Variants in TUSC3 observed in about 807,000 individuals in gnomAD.
The protein encoded by TUSC3 is tumor suppressor candidate 3, also known as dolichyl-diphosphooligosaccharide--protein glycosyltransferase subunit TUSC3.
In TUSC3, 45 loss-of-function variants were observed where a neutral mutation model predicts 44.8. That is an observed-to-expected ratio of 1.00 (90% CI 0.79 to 1.29). The LOEUF (loss-of-function observed/expected upper bound fraction) is 1.29, where lower values mean the gene tolerates loss of function less well. Among genes scored for constraint, TUSC3 ranks in the 50% most tolerant of loss-of-function variants. The pLI is 0.00. For missense variants in TUSC3, 519 were observed against 437.9 expected (o/e 1.19, Z -1.65); for synonymous variants, 212 against 152.9 (o/e 1.39, Z -2.85).
At chr8:15,487,986 T>C (rs1800755568) in intron 2 of TUSC3, among the ~76,000 whole-genome samples, 1 of 151,798 alleles carries the variant, frequency 6.6e-6, no homozygotes, top group Non-Finnish European at 1.5e-5. Flanking sequence ...ATCTGAACTC[T>C]ATTCCTTAAT....
chr8:15,472,829 C>T, intron 1 of TUSC3, among the ~76,000 whole-genome samples: 1 of 152,180 alleles, frequency 6.6e-6, no homozygotes, highest in East Asian at 1.9e-4. Context: ...ATGGCAAATG[C>T]TTTGTGGACA....
At chr8:15,797,483 C>A in the TUSC3 span, among the ~76,000 whole-genome samples, 1 of 152,086 alleles carries the variant, frequency 6.6e-6, no homozygotes, top group Non-Finnish European at 1.5e-5. Context: ...TGCATTTTTT[C>A]AGGATTTATC....
At chr8:15,420,169 A>G (rs906329128) in intron 1 of TUSC3, among the ~76,000 whole-genome samples, 3 of 152,122 alleles carry the variant, frequency 2.0e-5, no homozygotes, top group African/African-American at 4.8e-5. Flanking sequence ...TTTTGGTGAC[A>G]TATCATTGGC....
chr8:15,742,073 T>C (rs2129213750), intron 7 of TUSC3, among the ~76,000 whole-genome samples: 1 of 152,336 alleles, frequency 6.6e-6, no homozygotes, highest in South Asian at 2.1e-4. Context: ...CAGACTACCA[T>C]ACTGATGATA....
chr8:15,470,750 T>A (rs975920483), intron 1 of TUSC3, among the ~76,000 whole-genome samples: 2 of 152,100 alleles, frequency 1.3e-5, no homozygotes, highest in African/African-American at 4.8e-5. Flanking sequence ...TCTCCCACTG[T>A]CTAGGTGGAT....
intron 5 of TUSC3, among the ~76,000 whole-genome samples, chr8:15,672,198 G>C (rs940383937): frequency 1.3e-5 from 2 of 151,986 alleles, no homozygotes; most frequent in Non-Finnish European, 1.5e-5. Context: ...TAAGGAGTAT[G>C]GGAGCAAATT....
chr8:15,555,926 G>A (rs1802245167), intron 1 of TUSC3, among the ~76,000 whole-genome samples: 3 of 151,436 alleles, frequency 2.0e-5, no homozygotes, highest in East Asian at 1.9e-4. Flanking sequence ...TATCAATAAT[G>A]TATGCTTTCT....
chr8:15,462,827 T>G (rs1253224265), intron 1 of TUSC3, among the ~76,000 whole-genome samples: 1 of 152,074 alleles, frequency 6.6e-6, no homozygotes, highest in Non-Finnish European at 1.5e-5. Context: ...ATTCTCTTAA[T>G]AATAATTCTG....
intron 1 of TUSC3, among the ~76,000 whole-genome samples, chr8:15,429,196 A>G (rs916954154): frequency 6.6e-6 from 1 of 152,198 alleles, no homozygotes; most frequent in African/African-American, 2.4e-5. Context: ...ATGGCTAGCC[A>G]GTTTTCCCAG....
At chr8:15,620,359 C>T (rs575612438) in intron 1 of TUSC3, among the ~76,000 whole-genome samples, 1 of 152,158 alleles carries the variant, frequency 6.6e-6, no homozygotes, top group Admixed American at 6.5e-5. Flanking sequence ...AGATTTTTTC[C>T]AGAATATTTG....
intron 6 of TUSC3, among the ~76,000 whole-genome samples, chr8:15,720,348 T>G (rs1448474089): frequency 6.6e-6 from 1 of 151,928 alleles, no homozygotes; most frequent in East Asian, 1.9e-4. Flanking sequence ...AATATAAAAT[T>G]ACCTCAAAAT....
At chr8:15,516,883 A>G (rs1312283158) in intron 2 of TUSC3, among the ~76,000 whole-genome samples, 2 of 152,204 alleles carry the variant, frequency 1.3e-5, no homozygotes, top group African/African-American at 4.8e-5. Context: ...TAGAATGTTC[A>G]TATTATTTCC....
downstream of TUSC3, among the ~76,000 whole-genome samples, chr8:15,771,443 C>G (rs568626979): frequency 1.3e-5 from 2 of 152,096 alleles, no homozygotes; most frequent in Admixed American, 1.3e-4. Flanking sequence ...GAGAGTCATA[C>G]AAAGAAATGA....
At chr8:15,593,139 G>C (rs890867085) in intron 1 of TUSC3, among the ~76,000 whole-genome samples, 1 of 152,134 alleles carries the variant, frequency 6.6e-6, no homozygotes, top group South Asian at 2.1e-4. Context: ...AGGGTGGAGT[G>C]CAGTGGTGTG....
At chr8:15,513,085 A>G (rs1004243770) in intron 2 of TUSC3, among the ~76,000 whole-genome samples, 2 of 151,270 alleles carry the variant, frequency 1.3e-5, no homozygotes, top group African/African-American at 4.9e-5. Flanking sequence ...TACCAAAATT[A>G]TTACTCGAAA....
chr8:15,594,831 A>T lies in TUSC3; in HGVS notation c.139-28249A>T, dbSNP rs147498158. 1.5e-3 allele frequency among the ~76,000 whole-genome samples: 221 copies of T among 152,262 alleles called. 2 individuals are homozygous for T. The highest frequency in any genetic ancestry group is 3.3e-3 in the Admixed American group (50 of 15,300). On this transcript the variant is annotated intron_variant, in intron 1 of 10. Transcript: ENST00000503731. ...GTTACATAAGACAGATTCATGACTTACAGGCAGGCAGCAAAGGACCACAGA... is the reference window on the plus strand; with the variant it reads ...GTTACATAAGACAGATTCATGACTTTCAGGCAGGCAGCAAAGGACCACAGA...
the TUSC3 span, among the ~76,000 whole-genome samples, chr8:15,819,619 T>C: frequency 6.6e-6 from 1 of 150,796 alleles, no homozygotes; most frequent in South Asian, 2.1e-4. Flanking sequence ...GGTGGTGAAG[T>C]TTCTTATACT....
rs149654046 is a variant in TUSC3, at chr8:15,687,713, G to A, written c.798+13877G>A. Among the ~76,000 whole-genome samples, 40 of 152,232 alleles carry A rather than the reference G, an allele frequency of 2.6e-4. No individual in the cohort carries two copies. The East Asian group carries it at 6.8e-3, about 26-fold the overall frequency. On this transcript the variant is annotated intron_variant, in intron 6 of 10. Transcript: ENST00000503731. Reference sequence around the variant, plus strand: ...ATTACAACGAAGAACCTTGTGATTTGTACCCTTACTTCATGACAAAGCACT... The same window carrying A: ...ATTACAACGAAGAACCTTGTGATTTATACCCTTACTTCATGACAAAGCACT...
At chr8:15,588,921 T>C (rs760202877) in intron 1 of TUSC3, among the ~76,000 whole-genome samples, 4 of 152,210 alleles carry the variant, frequency 2.6e-5, no homozygotes, top group Non-Finnish European at 5.9e-5. Flanking sequence ...TTTGTGTCTG[T>C]GTTTGTACTA....
Sources: gnomAD v4.1 joint callset for allele counts (sites outside exome capture counted in the v4.1 genomes callset) on GRCh38, gnomAD v4.1.1 for gene constraint, MANE v1.5 for transcripts, NCBI Gene and HGNC (gene_info 2026-07-23, HGNC 2026-07-21) for gene names.